SERINC5: variants seen among roughly 807,000 people sequenced by gnomAD.
The protein encoded by SERINC5 is serine incorporator 5.
Under a neutral mutation model 63.1 loss-of-function variants are expected in SERINC5, and 41 were observed. That is an observed-to-expected ratio of 0.65 (90% CI 0.51 to 0.84). The LOEUF is 0.84. Among genes scored for constraint, SERINC5 ranks in the 40% least tolerant of loss-of-function variants. The pLI is 0.00. For synonymous variants in SERINC5, 222 were observed against 215.2 expected (o/e 1.03, Z -0.28); for missense variants, 523 against 573.0 (o/e 0.91, Z 0.89).
chr5:80,146,008 TCAAA>T lies in SERINC5; in HGVS notation c.1238+78_1238+81del, dbSNP rs141802158. On this transcript the variant is annotated intron_variant, in intron 11 of 11. Transcript: ENST00000507668. ...CTGGGCAACAGAGTGAGACTCCTTC[TCAAA>T]CAAACAAACACGAACAGTACTTAAC... 2,672 of 1,480,488 alleles carry T rather than the reference TCAAA, an allele frequency of 1.8e-3. 43 individuals are homozygous for T. The African/African-American group carries it at 0.031, about 17-fold the overall frequency. The allele number at this position is 1,480,488 out of a possible 1,614,324, so 91.7% of individuals were successfully genotyped here.
At chr5:80,234,775 T>C (rs998883616) in intron 1 of SERINC5, among the ~76,000 whole-genome samples, 4 of 152,190 alleles carry the variant, frequency 2.6e-5, no homozygotes, top group African/African-American at 4.8e-5. Flanking sequence ...CCTACATACA[T>C]GGATACATAC....
At chr5:80,132,455 A>G (rs529312997) in intron 11 of SERINC5, among the ~76,000 whole-genome samples, 6 of 152,194 alleles carry the variant, frequency 3.9e-5, no homozygotes, top group Middle Eastern at 3.4e-3. Context: ...ACCTTGTTGT[A>G]TCTCCTCATG....
chr5:80,137,467 C>T (rs201860558), downstream of SERINC5, among the ~76,000 whole-genome samples: 1 of 151,422 alleles, frequency 6.6e-6, no homozygotes, highest in African/African-American at 2.4e-5. Context: ...GGTGAAACCC[C>T]GTCTCTACTA....
intron 1 of SERINC5, among the ~76,000 whole-genome samples, chr5:80,229,029 T>TGGGGGGGGGGGGGGTGGGAG (rs1314284751): frequency 2.3e-5 from 1 of 43,134 alleles, no homozygotes; most frequent in African/African-American, 2.3e-4. Context: ...ACCTTTTTTT[T>TGGGGGGGGGGGGGGTGGGAG]TTTTTTTTTT....
chr5:80,225,066 G>T, intron 1 of SERINC5, among the ~76,000 whole-genome samples: 1 of 151,394 alleles, frequency 6.6e-6, no homozygotes, highest in East Asian at 1.9e-4. Flanking sequence ...TCAGCCTCCC[G>T]AGTAGCTGAG....
intron 1 of SERINC5, among the ~76,000 whole-genome samples, chr5:80,214,791 G>A (rs928770390): frequency 6.6e-6 from 1 of 152,154 alleles, no homozygotes; most frequent in Non-Finnish European, 1.5e-5. Context: ...CAGCTACTTG[G>A]GAGGCTGAGG....
At position 80,142,727 on chromosome 5, in the gene SERINC5, T is replaced by A; in HGVS notation, c.*936A>T. On this transcript the variant is annotated 3_prime_UTR_variant, in exon 12 of 12. Coordinates refer to ENST00000507668, the MANE Select transcript of SERINC5 (RefSeq NM_001174072.3). ...AAACTGAGGGGCTGACCTCAACAAC[T>A]GAAAGAGCAGTGCATGCAGCAGGCT... 1 of 985,432 alleles carries A rather than the reference T, an allele frequency of 1.0e-6. No homozygotes were observed. The highest frequency in any genetic ancestry group is 1.2e-6 in the Non-Finnish European group (1 of 829,940). 61.0% of individuals were successfully genotyped at this position (985,432 alleles called of 1,614,324 possible).
At chr5:80,243,743 T>TAAA (rs1752045846) in intron 1 of SERINC5, among the ~76,000 whole-genome samples, 1 of 140,052 alleles carries the variant, frequency 7.1e-6, no homozygotes, top group Non-Finnish European at 1.5e-5. Context: ...CTGTCTCTAT[T>TAAA]TAAATAAATA....
intron 12 of SERINC5, among the ~76,000 whole-genome samples, chr5:80,112,945 T>C (rs1042563753): frequency 3.3e-5 from 5 of 152,002 alleles, no homozygotes; most frequent in Non-Finnish European, 7.4e-5. Context: ...GCCTGGACAA[T>C]AAAGTGAGAC....
In SERINC5 at chr5:80,147,263, A is replaced by C. The variant is rs1438597866; in HGVS notation, c.1075T>G (p.Phe359Val). 1 of 1,605,350 alleles carries C rather than the reference A, an allele frequency of 6.2e-7. No homozygotes were observed. Among genetic ancestry groups the C allele is most frequent in the East Asian group, 2.2e-5 (1 of 44,632 alleles). The change falls in exon 10 of 12, where the codon TTC (phenylalanine) becomes GTC (valine). Residue 359 changes from phenylalanine (F) to valine (V), a missense_variant. Coordinates refer to ENST00000507668, the MANE Select transcript of SERINC5 (RefSeq NM_001174072.3). ...TGCTTACCCTCTCCACCAGGACTGA[A>C]GCAAAAACAACAGCGAGCTATCTGT... Reference protein sequence around the residue: ...ELEIARCCFCFSPGGEDTEEQ... With the variant: ...ELEIARCCFCVSPGGEDTEEQ...
In SERINC5 at chr5:80,140,516, C is replaced by CA. The variant is rs1264408642; in HGVS notation, c.*3146dup. On this transcript the variant is annotated 3_prime_UTR_variant, in exon 12 of 12. Transcript: ENST00000507668. ...CTCTATCTCCCCTTCAAAGAGGCTCCAAATACCTCTGGCAAATAATTTCTT... is the reference window on the plus strand; with the variant it reads ...CTCTATCTCCCCTTCAAAGAGGCTCCAAAATACCTCTGGCAAATAATTTCTT... 3.0e-6 allele frequency: 3 copies of CA among 984,668 alleles called. No individual in the cohort carries two copies. Among genetic ancestry groups the CA allele is most frequent in the African/African-American group, 1.8e-5 (1 of 57,022 alleles). The allele number at this position is 984,668 out of a possible 1,614,324, so 61.0% of individuals were successfully genotyped here. A position where few individuals can be genotyped will look rare whatever the true frequency, so the allele number is the denominator to read the frequency against.
intron 1 of SERINC5, among the ~76,000 whole-genome samples, chr5:80,205,465 T>C (rs1750109389): frequency 6.6e-6 from 1 of 152,172 alleles, no homozygotes; most frequent in Non-Finnish European, 1.5e-5. Flanking sequence ...TACACCCTTG[T>C]AGGAAATAAT....
At chr5:80,138,660 G>C (rs896979869), downstream of SERINC5, 1 of 220,258 alleles carries the variant, frequency 4.5e-6, no homozygotes, top group African/African-American at 2.3e-5. Flanking sequence ...AAAAACATGA[G>C]GTAATGCATA....
chr5:80,196,132 G>A (rs1437129985), intron 2 of SERINC5, among the ~76,000 whole-genome samples: 2 of 152,048 alleles, frequency 1.3e-5, no homozygotes, highest in East Asian at 1.9e-4. Context: ...TAGAAAAACG[G>A]GGATGCAGGA....
At chr5:80,190,535 G>A (rs1319546085) in intron 2 of SERINC5, among the ~76,000 whole-genome samples, 1 of 152,206 alleles carries the variant, frequency 6.6e-6, no homozygotes, top group Non-Finnish European at 1.5e-5. Context: ...ACTATGTGCA[G>A]GTATTGCTCT....
chr5:80,156,153 A>G (rs1273377494), intron 8 of SERINC5, among the ~76,000 whole-genome samples: 1 of 151,994 alleles, frequency 6.6e-6, no homozygotes, highest in Admixed American at 6.6e-5. Context: ...TAACTTACAT[A>G]CTATCTATAG....
At chr5:80,130,529 C>T (rs746357510) in intron 11 of SERINC5, among the ~76,000 whole-genome samples, 4 of 152,272 alleles carry the variant, frequency 2.6e-5, no homozygotes, top group Middle Eastern at 6.8e-3. Flanking sequence ...CCCGGTTTGT[C>T]GTAACCTTGA....
rs1004248352 is a variant in SERINC5 at position 80,232,231 on chromosome 5, T to C, written c.27+23665A>G. On this transcript the variant is annotated intron_variant, in intron 1 of 11. Coordinates refer to ENST00000507668, the MANE Select transcript of SERINC5 (RefSeq NM_001174072.3). ...CATCCTGGCTAACACCGTAAAACCC[T>C]GTCTCTACTAAAAATACAAAAAAAA... 2.2e-3 allele frequency among the ~76,000 whole-genome samples: 309 copies of C among 140,998 alleles called. 3 individuals are homozygous for C. Among genetic ancestry groups the C allele is most frequent in the East Asian group, 3.4e-3 (15 of 4,434 alleles). The allele number at this position is 140,998 out of a possible 152,430, so 92.5% of individuals were successfully genotyped here. A position where few individuals can be genotyped will look rare whatever the true frequency, so the allele number is the denominator to read the frequency against.
intron 9 of SERINC5, among the ~76,000 whole-genome samples, chr5:80,149,993 G>C (rs1289493701): frequency 6.6e-6 from 1 of 152,174 alleles, no homozygotes; most frequent in African/African-American, 2.4e-5. Context: ...AACACCTTGA[G>C]GCTTTGGATG....
Sources: gnomAD v4.1 joint callset for allele counts (sites outside exome capture counted in the v4.1 genomes callset) on GRCh38, gnomAD v4.1.1 for gene constraint, MANE v1.5 for transcripts, NCBI Gene and HGNC (gene_info 2026-07-23, HGNC 2026-07-21) for gene names.